DNAJC10: variants seen among roughly 807,000 people sequenced by gnomAD.
The protein encoded by DNAJC10 is endoplasmic reticulum disulfide reductase DNAJC10.
Under a neutral mutation model 115.0 loss-of-function variants are expected in DNAJC10, and 101 were observed. The ratio of observed to expected loss-of-function variants is 0.88; its 90% CI spans 0.75 to 1.04. The LOEUF (loss-of-function observed/expected upper bound fraction) is 1.04. Among genes scored for constraint, DNAJC10 ranks in the 50% least tolerant of loss-of-function variants. DNAJC10 has a pLI of 0.00. For missense variants in DNAJC10, 981 were observed against 928.8 expected (o/e 1.06, Z -0.73); for synonymous variants, 307 against 301.5 (o/e 1.02, Z -0.19).
chr2:182,742,080 A>G (rs942561300), intron 13 of DNAJC10, among the ~76,000 whole-genome samples: 29 of 152,210 alleles, frequency 1.9e-4, no homozygotes, highest in African/African-American at 5.5e-4. Context: ...GTGGCTTACT[A>G]TATGGTTATG....
rs1156790589 is a variant in DNAJC10 at position 182,783,950 on chromosome 2, A to G, written c.*6818A>G. ...AATTTGTATTAATTAACTAATATAA[A>G]TTAATCCTATCAAGTTAATTTGTAA... On this transcript the variant is annotated 3_prime_UTR_variant, in exon 24 of 24. Transcript: ENST00000264065. The G allele has an allele frequency of 6.6e-6, 1 of 152,248 alleles. No homozygotes were observed. Among genetic ancestry groups the G allele is most frequent in the Non-Finnish European group, 1.5e-5 (1 of 68,050 alleles). 9.4% of individuals were successfully genotyped at this position (152,248 alleles called of 1,614,324 possible). A position where few individuals can be genotyped will look rare whatever the true frequency, so the allele number is the denominator to read the frequency against.
chr2:182,725,873 G>A (rs1693270928), intron 5 of DNAJC10, among the ~76,000 whole-genome samples: 1 of 152,096 alleles, frequency 6.6e-6, no homozygotes, highest in South Asian at 2.1e-4. Context: ...ATGCTATCTG[G>A]GACTTTTTTT....
intron 22 of DNAJC10, among the ~76,000 whole-genome samples, chr2:182,771,512 A>G (rs182822730): frequency 6.5e-4 from 99 of 152,220 alleles, no homozygotes; most frequent in Non-Finnish European, 1.9e-4. Flanking sequence ...AGAGCCTGCT[A>G]TTGGTCTATT....
chr2:182,727,909 T>C (rs1419992489), intron 5 of DNAJC10, among the ~76,000 whole-genome samples: 1 of 152,242 alleles, frequency 6.6e-6, no homozygotes, highest in Non-Finnish European at 1.5e-5. Flanking sequence ...TAAAATGTAC[T>C]ATTGGCTAGA....
chr2:182,728,501 A>C (rs1242277112), intron 5 of DNAJC10, 75 bp from the exon 6 acceptor site: 13 of 1,071,312 alleles, frequency 1.2e-5, no homozygotes, highest in Non-Finnish European at 1.8e-5. Flanking sequence ...TGATCTCCAC[A>C]AAAAGTTTTT....
rs748528572 is a variant in DNAJC10 at position 182,754,996 on chromosome 2, C to G, written c.1552-7C>G. The G allele has an allele frequency of 1.3e-6, 2 of 1,545,094 alleles. No homozygotes were observed. The highest frequency in any genetic ancestry group is 4.5e-5 in the East Asian group (2 of 44,342). ...AAATCTTTAATTCATATTCTCCTTC[C>G]TATCAGTATAACATTCAGGCTTATC... On this transcript the variant is annotated splice_region_variant and splice_polypyrimidine_tract_variant and intron_variant, in intron 16 of 23. Transcript: ENST00000264065.
At chr2:182,732,437 G>C in intron 9 of DNAJC10, 62 bp from the exon 10 acceptor site, 1 of 1,508,114 alleles carries the variant, frequency 6.6e-7, no homozygotes, top group Non-Finnish European at 9.2e-7. Flanking sequence ...AAAGGCAAAT[G>C]CAAGTATTTT....
rs541316645 is a variant in DNAJC10, at chr2:182,766,844, C to G, written c.2265+4043C>G. The stretch of plus-strand genomic sequence containing the variant: ...TGTCACTTGGGCGGCCTCTAATCTA[C>G]TTAAGGGGGATGGGAGGTGCTGTTG... On this transcript the variant is annotated intron_variant, in intron 22 of 23. Transcript: ENST00000264065. Among the ~76,000 whole-genome samples, 143 of 152,108 alleles carry G rather than the reference C, an allele frequency of 9.4e-4. 1 individual carries two copies. Among genetic ancestry groups the G allele is most frequent in the African/African-American group, 3.3e-3 (136 of 41,482 alleles).
Position 182,728,581 on chromosome 2 carries a change from G to A in DNAJC10, c.424G>A (p.Ala142Thr). 6.2e-7 allele frequency: 1 copy of A among 1,607,208 alleles called. No individual in the cohort carries two copies. The highest frequency in any genetic ancestry group is 1.7e-5 in the Admixed American group (1 of 59,760). ...ITLERREFDA[A>T]VNSGELWFVN... ...TGCATTTTATGTATTTTTAGATGCT[G>A]CTGTTAATTCTGGAGAACTGTGGTT... The change falls in exon 6 of 24, where the codon GCT (alanine) becomes ACT (threonine). Residue 142 changes from alanine to threonine, a missense_variant. Physicochemically the swap from Ala to Thr is moderately conservative, Grantham distance 58. Coordinates refer to ENST00000264065, the MANE Select transcript of DNAJC10 (RefSeq NM_018981.4).
intron 22 of DNAJC10, among the ~76,000 whole-genome samples, chr2:182,764,161 C>A (rs1574952592): frequency 6.6e-6 from 1 of 152,280 alleles, no homozygotes; most frequent in East Asian, 1.9e-4. Context: ...TTGCCAATCA[C>A]AATGTAAATT....
In DNAJC10 at chr2:182,790,343, A is replaced by T. The variant is rs1172466453; in HGVS notation, c.*13211A>T. ...CTAGCTTATTCGTTTAGTTTACATG[A>T]CTTTCTGCATGTGAAACTTGAGAAA... is the stretch of plus-strand genomic sequence containing the variant. On this transcript the variant is annotated 3_prime_UTR_variant, in exon 24 of 24. Coordinates refer to ENST00000264065, the MANE Select transcript of DNAJC10 (RefSeq NM_018981.4). The T allele has an allele frequency of 6.6e-6, 1 of 152,188 alleles. No individual in the cohort carries two copies. Among genetic ancestry groups the T allele is most frequent in the Non-Finnish European group, 1.5e-5 (1 of 68,030 alleles). 9.4% of individuals were successfully genotyped at this position (152,188 alleles called of 1,614,324 possible).
rs1182149363 is a variant in DNAJC10 at position 182,729,698 on chromosome 2, GATATC to G, written c.634-147_634-143del. 27 of 472,188 alleles carry G rather than the reference GATATC, an allele frequency of 5.7e-5. 1 individual carries two copies. In the Admixed American group the frequency reaches 9.3e-4, roughly 16 times the overall value. The allele number at this position is 472,188 out of a possible 1,614,324, so 29.2% of individuals were successfully genotyped here. A position where few individuals can be genotyped will look rare whatever the true frequency, so the allele number is the denominator to read the frequency against. ...GAATCTGTACTGTCAAGATTATCAG[GATATC>G]ATTTGGAAATACATTCTGCTATTGA... is the stretch of plus-strand genomic sequence containing the variant. On this transcript the variant is annotated intron_variant, in intron 7 of 23. Transcript: ENST00000264065.
At chr2:182,762,557 G>A (rs935586132) in intron 21 of DNAJC10, 125 bp from the exon 22 acceptor site, 43 of 983,986 alleles carry the variant, frequency 4.4e-5, no homozygotes, top group Non-Finnish European at 5.6e-5. Flanking sequence ...TCTTGTTTGA[G>A]TAGGAAGAAT....
At chr2:182,720,881 C>T (rs926768832) in intron 4 of DNAJC10, among the ~76,000 whole-genome samples, 4 of 152,128 alleles carry the variant, frequency 2.6e-5, no homozygotes, top group African/African-American at 7.2e-5. Flanking sequence ...TGCCGTCCTT[C>T]TCATATGGAA....
chr2:182,724,388 T>C (rs1411106288), intron 5 of DNAJC10, among the ~76,000 whole-genome samples: 1 of 152,198 alleles, frequency 6.6e-6, no homozygotes, highest in Admixed American at 6.5e-5. Flanking sequence ...AAAATGTGCT[T>C]TCACATTCAA....
chr2:182,783,529 A>G lies in DNAJC10; in HGVS notation c.*6397A>G, dbSNP rs1331073011. 2.6e-5 allele frequency: 4 copies of G among 152,208 alleles called. No homozygotes were observed. The highest frequency in any genetic ancestry group is 7.2e-5 in the African/African-American group (3 of 41,458). 9.4% of individuals were successfully genotyped at this position (152,208 alleles called of 1,614,324 possible). On this transcript the variant is annotated 3_prime_UTR_variant, in exon 24 of 24. Transcript: ENST00000264065. ...TGTATTTAGGAAAAATCATTTATTTACAAAACATCTTCCCTTTCTTATCAT... is the reference window on the plus strand; with the variant it reads ...TGTATTTAGGAAAAATCATTTATTTGCAAAACATCTTCCCTTTCTTATCAT...
In DNAJC10 at chr2:182,781,585, G is replaced by A. The variant is rs1401751070; in HGVS notation, c.*4453G>A. ...ACAAATTTACACTCCCACTAACAGT[G>A]TAAAAGCATTCCTATTTCTCCACAT... On this transcript the variant is annotated 3_prime_UTR_variant, in exon 24 of 24. Transcript: ENST00000264065. 6.6e-6 allele frequency: 1 copy of A among 152,182 alleles called. No homozygotes were observed. Among genetic ancestry groups the A allele is most frequent in the Non-Finnish European group, 1.5e-5 (1 of 68,044 alleles). 9.4% of individuals were successfully genotyped at this position (152,182 alleles called of 1,614,324 possible).
intron 14 of DNAJC10, among the ~76,000 whole-genome samples, chr2:182,747,211 C>T (rs1400432129): frequency 6.3e-4 from 94 of 150,068 alleles, no homozygotes; most frequent in African/African-American, 2.2e-3. Context: ...CTTGGCAATG[C>T]GGGCTCTTTT....
At chr2:182,761,276 G>A (rs760677829) in intron 21 of DNAJC10, among the ~76,000 whole-genome samples, 20 of 152,168 alleles carry the variant, frequency 1.3e-4, no homozygotes, top group Non-Finnish European at 2.2e-4. Flanking sequence ...ACCAGAAACA[G>A]TATGGTGCCA....
Sources: gnomAD v4.1 joint callset for allele counts (sites outside exome capture counted in the v4.1 genomes callset) on GRCh38, gnomAD v4.1.1 for gene constraint, MANE v1.5 for transcripts, NCBI Gene and HGNC (gene_info 2026-07-23, HGNC 2026-07-21) for gene names.